RBFOX1: variants seen among roughly 807,000 people sequenced by gnomAD.
RBFOX1 encodes RNA binding fox-1 homolog 1, also known as RNA binding protein fox-1 homolog 1.
Under a neutral mutation model 57.7 loss-of-function variants are expected in RBFOX1, and 8 were observed. The ratio of observed to expected loss-of-function variants is 0.14; its 90% confidence interval spans 0.08 to 0.25. RBFOX1 has a LOEUF of 0.25. Among genes scored for constraint, RBFOX1 ranks in the 10% least tolerant of loss-of-function variants. RBFOX1 has a pLI of 1.00. For synonymous variants in RBFOX1, 326 were observed against 222.4 expected, an observed-to-expected ratio of 1.47 and a Z score of -4.15; for missense variants, 611 against 548.5, an observed-to-expected ratio of 1.11 and a Z score of -1.14.
intron 3 of RBFOX1, among the ~76,000 whole-genome samples, chr16:6,860,890 A>T (rs961521880): frequency 1.3e-5 from 2 of 152,180 alleles, no homozygotes; most frequent in African/African-American, 4.8e-5. Context: ...GATATTCCAA[A>T]ATATACATTT....
At chr16:5,856,208 C>CACATATATATGTATATATATGTGT (rs1567631008) in intron 3 of RBFOX1, among the ~76,000 whole-genome samples, 8 of 28,556 alleles carry the variant, frequency 2.8e-4, no homozygotes, top group African/African-American at 8.3e-4. Context: ...TATATATATA[C>CACATATATATGTATATATATGTGT]ATATATATGT....
chr16:7,591,199 G>A (rs1338557843), intron 7 of RBFOX1, among the ~76,000 whole-genome samples: 3 of 152,164 alleles, frequency 2.0e-5, no homozygotes, highest in African/African-American at 7.2e-5. Flanking sequence ...GGCAGGAGAA[G>A]TTGCATGTGC....
At chr16:7,523,193 C>G (rs571431739) in intron 5 of RBFOX1, among the ~76,000 whole-genome samples, 7 of 152,304 alleles carry the variant, frequency 4.6e-5, no homozygotes, top group African/African-American at 1.7e-4. Flanking sequence ...TTGCTGAGTA[C>G]TGTTTCTGCA....
chr16:6,018,267 T>G (rs1170452607), upstream of RBFOX1, among the ~76,000 whole-genome samples: 1 of 151,658 alleles, frequency 6.6e-6, no homozygotes, highest in Non-Finnish European at 1.5e-5. Flanking sequence ...CTCACTCCAG[T>G]CCAGAGTGGG....
intron 2 of RBFOX1, among the ~76,000 whole-genome samples, chr16:6,350,075 G>A (rs2086037825): frequency 2.6e-5 from 4 of 152,018 alleles, no homozygotes; most frequent in South Asian, 4.1e-4. Flanking sequence ...AAAGTCCTAG[G>A]TTTGTGAAAA....
intron 3 of RBFOX1, among the ~76,000 whole-genome samples, chr16:6,731,864 G>C (rs1489376316): frequency 6.6e-6 from 1 of 152,040 alleles, no homozygotes; most frequent in Non-Finnish European, 1.5e-5. Context: ...TCTGCCTCTA[G>C]GGGAATCCAA....
chr16:5,462,145 C>G (rs894167667), intron 1 of RBFOX1, among the ~76,000 whole-genome samples: 1 of 150,760 alleles, frequency 6.6e-6, no homozygotes, highest in East Asian at 2.0e-4. Context: ...TAAAAGAAAC[C>G]CAGCGAGTTT....
intron 3 of RBFOX1, among the ~76,000 whole-genome samples, chr16:6,982,993 TAAAAAAAAA>T (rs370173635): frequency 2.5e-5 from 2 of 79,358 alleles, no homozygotes; most frequent in South Asian, 4.4e-4. Context: ...AGACTCTGTC[TAAAAAAAAA>T]AAAAAAAAAA....
intron 1 of RBFOX1, among the ~76,000 whole-genome samples, chr16:6,250,866 T>C (rs2097604726): frequency 6.6e-6 from 1 of 152,062 alleles, no homozygotes; most frequent in Non-Finnish European, 1.5e-5. Flanking sequence ...GTGAGAGTGG[T>C]TTTTGGATTA....
chr16:5,654,488 C>T (rs1330127136), intron 3 of RBFOX1, among the ~76,000 whole-genome samples: 1 of 152,138 alleles, frequency 6.6e-6, no homozygotes, highest in Non-Finnish European at 1.5e-5. Flanking sequence ...TGTCCTTCTT[C>T]CTTCTTTGTG....
At chr16:6,831,151 C>G (rs1007903017) in intron 3 of RBFOX1, among the ~76,000 whole-genome samples, 4 of 152,142 alleles carry the variant, frequency 2.6e-5, no homozygotes, top group Admixed American at 2.6e-4. Flanking sequence ...CGGTTTTGCT[C>G]ATTATAATTT....
chr16:6,993,370 G>C (rs951157125), intron 3 of RBFOX1, among the ~76,000 whole-genome samples: 1 of 152,130 alleles, frequency 6.6e-6, no homozygotes, highest in African/African-American at 2.4e-5. Flanking sequence ...TCCTCATTTA[G>C]CTCCTTTCGG....
intron 2 of RBFOX1, among the ~76,000 whole-genome samples, chr16:5,524,745 T>C (rs1190529293): frequency 2.0e-5 from 3 of 152,074 alleles, no homozygotes; most frequent in Non-Finnish European, 4.4e-5. Context: ...TTCACCGTGT[T>C]GGCCAGGCTG....
intron 1 of RBFOX1, among the ~76,000 whole-genome samples, chr16:6,255,114 G>A (rs959072043): frequency 1.3e-5 from 2 of 152,084 alleles, no homozygotes; most frequent in Non-Finnish European, 2.9e-5. Context: ...GCTGGGGAGA[G>A]AGATAAACAA....
At chr16:5,341,527 C>T (rs1051692124) in intron 1 of RBFOX1, among the ~76,000 whole-genome samples, 3 of 152,090 alleles carry the variant, frequency 2.0e-5, no homozygotes, top group African/African-American at 7.2e-5. Flanking sequence ...GGGAAAAGAA[C>T]TGAGATATTC....
chr16:6,461,754 G>T (rs2094926521), intron 2 of RBFOX1, among the ~76,000 whole-genome samples: 1 of 152,162 alleles, frequency 6.6e-6, no homozygotes, highest in Non-Finnish European at 1.5e-5. Flanking sequence ...GTGAACTGAA[G>T]AGAATGGAGG....
intron 3 of RBFOX1, among the ~76,000 whole-genome samples, chr16:6,820,008 A>G (rs980996102): frequency 5.9e-5 from 9 of 152,170 alleles, no homozygotes; most frequent in African/African-American, 2.2e-4. Context: ...TGTAGTTCCC[A>G]TAATCCCCAT....
At chr16:7,368,952 ATCTT>A (rs974534637) in intron 4 of RBFOX1, among the ~76,000 whole-genome samples, 2 of 151,984 alleles carry the variant, frequency 1.3e-5, no homozygotes, top group African/African-American at 2.4e-5. Context: ...AGGGAGGTGA[ATCTT>A]TCTTTTTTTT....
chr16:6,229,916 A>C lies in RBFOX1; in HGVS notation c.-126-87079A>C, dbSNP rs2097445954. 2.0e-5 allele frequency among the ~76,000 whole-genome samples: 3 copies of C among 152,118 alleles called. No homozygotes were observed. The South Asian group carries it at 6.2e-4, about 32-fold the overall frequency. On this transcript the variant is annotated intron_variant, in intron 1 of 15. Transcript: ENST00000550418. ...CTTAGAATATTATTTGTCCTCGCGA[A>C]AGTGATCCTCATCCCTTATTTTAAA...
Sources: allele counts gnomAD v4.1 joint callset (sites outside exome capture counted in the v4.1 genomes callset), GRCh38; gene constraint gnomAD v4.1.1; transcripts MANE v1.5; gene names NCBI Gene and HGNC (gene_info 2026-07-23, HGNC 2026-07-21).